Variants in MARCHF1 observed in about 807,000 individuals in gnomAD.
MARCHF1 encodes E3 ubiquitin-protein ligase MARCHF1.
A neutral mutation model predicts 54.2 loss-of-function variants in MARCHF1; 40 were observed. That is an observed-to-expected ratio of 0.74 (90% CI 0.57 to 0.96). The LOEUF is 0.96. Among genes scored for constraint, MARCHF1 ranks in the 40% least tolerant of loss-of-function variants. The pLI is 0.00. For missense variants in MARCHF1, 586 were observed against 656.5 expected (o/e 0.89, Z 1.17); for synonymous variants, 236 against 236.3 (o/e 1.00, Z 0.01).
intron 4 of MARCHF1, among the ~76,000 whole-genome samples, chr4:163,717,401 G>T (rs1745298812): frequency 6.6e-6 from 1 of 151,738 alleles, no homozygotes; most frequent in South Asian, 2.1e-4. Context: ...TATCATTGTT[G>T]GACATTTGGG....
At chr4:164,317,662 T>G (rs1458599443) in intron 1 of MARCHF1, among the ~76,000 whole-genome samples, 1 of 152,096 alleles carries the variant, frequency 6.6e-6, no homozygotes, top group African/African-American at 2.4e-5. Context: ...GCACTCTTAC[T>G]CAAGAAAACG....
intron 4 of MARCHF1, among the ~76,000 whole-genome samples, chr4:163,756,801 T>A (rs1298546659): frequency 1.3e-5 from 2 of 152,170 alleles, no homozygotes; most frequent in Non-Finnish European, 2.9e-5. Context: ...CTGTTTATAT[T>A]CAGATTCCTA....
chr4:164,097,818 A>G (rs1292878126), intron 2 of MARCHF1, among the ~76,000 whole-genome samples: 3 of 152,200 alleles, frequency 2.0e-5, no homozygotes, highest in Non-Finnish European at 4.4e-5. Flanking sequence ...TGAGGGAACA[A>G]GTGAAGCAAC....
chr4:164,340,305 C>T (rs549450554), intron 1 of MARCHF1, among the ~76,000 whole-genome samples: 3 of 148,042 alleles, frequency 2.0e-5, no homozygotes, highest in African/African-American at 7.4e-5. Context: ...GGCGTGATCT[C>T]AGCTTGCTGC....
intron 3 of MARCHF1, among the ~76,000 whole-genome samples, chr4:163,942,195 C>T (rs2110753861): frequency 6.6e-6 from 1 of 152,298 alleles, no homozygotes; most frequent in Non-Finnish European, 1.5e-5. Flanking sequence ...CACATCATCA[C>T]TTCCTTGGAA....
chr4:164,092,007 A>G (rs1006410196), intron 2 of MARCHF1, among the ~76,000 whole-genome samples: 2 of 152,098 alleles, frequency 1.3e-5, no homozygotes, highest in African/African-American at 4.8e-5. Flanking sequence ...ACTCCAAGAT[A>G]CAATGGGTAC....
intron 4 of MARCHF1, among the ~76,000 whole-genome samples, chr4:163,706,191 C>T (rs1744943893): frequency 6.6e-6 from 1 of 152,048 alleles, no homozygotes; most frequent in South Asian, 2.1e-4. Flanking sequence ...TCACATGAAT[C>T]TCCCATATAA....
intron 2 of MARCHF1, among the ~76,000 whole-genome samples, chr4:164,106,934 A>G (rs866129165): frequency 6.6e-6 from 1 of 152,186 alleles, no homozygotes; most frequent in Non-Finnish European, 1.5e-5. Context: ...TCAAAGGCTG[A>G]TACAAGAAAC....
chr4:164,048,514 G>C (rs970943190), intron 2 of MARCHF1, among the ~76,000 whole-genome samples: 1 of 151,860 alleles, frequency 6.6e-6, no homozygotes, highest in Admixed American at 6.6e-5. Flanking sequence ...AATATCACAG[G>C]TTACATTTTC....
intron 4 of MARCHF1, among the ~76,000 whole-genome samples, chr4:163,720,719 A>T (rs1745423531): frequency 6.6e-6 from 1 of 152,166 alleles, no homozygotes; most frequent in South Asian, 2.1e-4. Context: ...TGTGGTTTGT[A>T]GTTCTCCTTG....
At chr4:164,146,632 G>A (rs1362891938) in intron 1 of MARCHF1, among the ~76,000 whole-genome samples, 1 of 151,830 alleles carries the variant, frequency 6.6e-6, no homozygotes, top group Non-Finnish European at 1.5e-5. Context: ...GTAGAAAGCT[G>A]AAACTGGATC....
intron 3 of MARCHF1, among the ~76,000 whole-genome samples, chr4:163,970,261 T>C (rs984859933): frequency 2.0e-5 from 3 of 152,216 alleles, no homozygotes; most frequent in Non-Finnish European, 4.4e-5. Context: ...GCAATCTGAC[T>C]GAAAACAGGG....
At chr4:163,850,835 A>G (rs1749620728) in intron 4 of MARCHF1, among the ~76,000 whole-genome samples, 1 of 152,208 alleles carries the variant, frequency 6.6e-6, no homozygotes, top group African/African-American at 2.4e-5. Flanking sequence ...TTGGCAGGGT[A>G]TTACAAGAGA....
chr4:163,598,437 T>C (rs1258647549), intron 7 of MARCHF1, among the ~76,000 whole-genome samples: 1 of 152,242 alleles, frequency 6.6e-6, no homozygotes, highest in Non-Finnish European at 1.5e-5. Flanking sequence ...AGAAATTCCA[T>C]CATTGTGTGA....
intron 1 of MARCHF1, among the ~76,000 whole-genome samples, chr4:164,256,196 A>G (rs1451266889): frequency 6.6e-6 from 1 of 152,048 alleles, no homozygotes; most frequent in Non-Finnish European, 1.5e-5. Context: ...TGATCACAAT[A>G]CAATAAAATT....
chr4:163,555,399 C>T (rs943120748), intron 8 of MARCHF1, among the ~76,000 whole-genome samples: 2 of 152,042 alleles, frequency 1.3e-5, no homozygotes, highest in African/African-American at 4.8e-5. Context: ...TATACTTTCA[C>T]CTCCTTCCAT....
chr4:164,316,321 T>G (rs1734996696), intron 1 of MARCHF1, among the ~76,000 whole-genome samples: 1 of 152,174 alleles, frequency 6.6e-6, no homozygotes, highest in Non-Finnish European at 1.5e-5. Flanking sequence ...TAAGTCATAC[T>G]AGCAACTACT....
chr4:164,255,391 A>T (rs972686583), intron 1 of MARCHF1, among the ~76,000 whole-genome samples: 8 of 4,714 alleles, frequency 1.7e-3, no homozygotes, highest in Non-Finnish European at 2.8e-3. Context: ...CAAGAAAGAT[A>T]AAAAAAAAAA....
chr4:163,924,712 C>T (rs113003300), intron 3 of MARCHF1, among the ~76,000 whole-genome samples: 8 of 151,762 alleles, frequency 5.3e-5, no homozygotes, highest in African/African-American at 1.9e-4. Flanking sequence ...GAAATTTAAT[C>T]AAGGGTGCAC....
Sources: allele counts gnomAD v4.1 joint callset (sites outside exome capture counted in the v4.1 genomes callset), GRCh38; gene constraint gnomAD v4.1.1; transcripts MANE v1.5; gene names NCBI Gene and HGNC (gene_info 2026-07-23, HGNC 2026-07-21).